Variants in KCNH7 observed in about 807,000 individuals in gnomAD.
KCNH7 encodes voltage-gated inwardly rectifying potassium channel KCNH7.
In KCNH7, 49 loss-of-function variants were observed where a neutral mutation model predicts 120.8. The observed-to-expected ratio is 0.41, with a 90% CI of 0.32 to 0.51. The LOEUF (loss-of-function observed/expected upper bound fraction) is 0.51, where lower values mean the gene tolerates loss of function less well. KCNH7 is among the 20% of genes least tolerant of loss of function. The pLI is 0.38. For synonymous variants in KCNH7, 547 were observed against 516.1 expected, an observed-to-expected ratio of 1.06 and a Z score of -0.81; for missense variants, 1,097 against 1,446.6, an observed-to-expected ratio of 0.76 and a Z score of 3.92.
chr2:162,538,139 G>A (rs772493477), intron 2 of KCNH7: 5 of 152,118 alleles, frequency 3.3e-5, no homozygotes, highest in African/African-American at 1.2e-4. Context: ...CCCGTGGCCT[G>A]TGGGCTACAT....
chr2:162,528,838 A>C (rs1691808719), intron 3 of KCNH7, among the ~76,000 whole-genome samples: 1 of 152,042 alleles, frequency 6.6e-6, no homozygotes, highest in African/African-American at 2.4e-5. Flanking sequence ...GAATAGGACA[A>C]TTATAGTGGG....
At chr2:162,470,386 CT>C (rs1689471434) in intron 6 of KCNH7, among the ~76,000 whole-genome samples, 1 of 151,860 alleles carries the variant, frequency 6.6e-6, no homozygotes, top group African/African-American at 2.4e-5. Flanking sequence ...AGGAGCGTCT[CT>C]GCCCGGCCGC....
intron 2 of KCNH7, among the ~76,000 whole-genome samples, chr2:162,825,950 G>T (rs67553435): frequency 0.5 from 75,537 of 150,436 alleles, 20,638 homozygotes; most frequent in South Asian, 0.73. Flanking sequence ...TAAGATTATG[G>T]TTTTTTTTCT....
intron 2 of KCNH7, among the ~76,000 whole-genome samples, chr2:162,580,888 C>A (rs1327603795): frequency 2.0e-5 from 3 of 151,898 alleles, no homozygotes; most frequent in African/African-American, 4.8e-5. Flanking sequence ...TAGAAATAGT[C>A]CCCAGATGTC....
intron 2 of KCNH7, among the ~76,000 whole-genome samples, chr2:162,764,879 G>A (rs1682722675): frequency 6.6e-6 from 1 of 152,102 alleles, no homozygotes; most frequent in Admixed American, 6.5e-5. Flanking sequence ...TAGGCAAAGA[G>A]AGCTCAGCCA....
At chr2:162,775,140 T>C (rs1683187342) in intron 2 of KCNH7, among the ~76,000 whole-genome samples, 1 of 152,168 alleles carries the variant, frequency 6.6e-6, no homozygotes, top group East Asian at 1.9e-4. Context: ...ACTACTCTCC[T>C]ACTGCATGCC....
chr2:162,793,225 T>C (rs1039715308), intron 2 of KCNH7, among the ~76,000 whole-genome samples: 2 of 151,922 alleles, frequency 1.3e-5, no homozygotes, highest in Admixed American at 6.6e-5. Context: ...ATGTTCTCAC[T>C]TAGAAGTGGG....
At chr2:162,801,749 T>C (rs1156522341) in intron 2 of KCNH7, among the ~76,000 whole-genome samples, 1 of 151,686 alleles carries the variant, frequency 6.6e-6, no homozygotes, top group Non-Finnish European at 1.5e-5. Flanking sequence ...AAGAACTCAA[T>C]TAATAATAAT....
At chr2:162,630,113 C>G (rs372840969) in intron 2 of KCNH7, among the ~76,000 whole-genome samples, 1 of 151,986 alleles carries the variant, frequency 6.6e-6, no homozygotes, top group East Asian at 1.9e-4. Flanking sequence ...AACTACAAGA[C>G]TTAGGGCCTG....
At chr2:162,472,877 G>A (rs1689601361) in intron 6 of KCNH7, among the ~76,000 whole-genome samples, 1 of 151,918 alleles carries the variant, frequency 6.6e-6, no homozygotes, top group Non-Finnish European at 1.5e-5. Flanking sequence ...AAGAAAATGT[G>A]GCATATAAAC....
At chr2:162,643,354 A>C (rs1465550085) in intron 2 of KCNH7, among the ~76,000 whole-genome samples, 1 of 152,114 alleles carries the variant, frequency 6.6e-6, no homozygotes, top group Admixed American at 6.6e-5. Flanking sequence ...AAACAAAAAA[A>C]CCCAAAAAAC....
chr2:162,762,782 TGAG>T (rs1689011892), intron 2 of KCNH7, among the ~76,000 whole-genome samples: 1 of 152,068 alleles, frequency 6.6e-6, no homozygotes. Context: ...AAAATTGTCA[TGAG>T]ACATAAAGTT....
At chr2:162,525,108 C>G (rs1440471965) in intron 3 of KCNH7, among the ~76,000 whole-genome samples, 1 of 151,850 alleles carries the variant, frequency 6.6e-6, no homozygotes, top group Non-Finnish European at 1.5e-5. Context: ...TTTAAAGGAG[C>G]AGATCCGATC....
chr2:162,460,093 C>CAAAA (rs575038181), intron 6 of KCNH7, among the ~76,000 whole-genome samples: 1 of 47,914 alleles, frequency 2.1e-5, no homozygotes. Flanking sequence ...GACTCCATCT[C>CAAAA]AAAAAAAAAA....
chr2:162,437,809 C>T (rs994570309), intron 7 of KCNH7, among the ~76,000 whole-genome samples: 1 of 152,040 alleles, frequency 6.6e-6, no homozygotes, highest in African/African-American at 2.4e-5. Context: ...CCTTTTTAAA[C>T]GCAATACTTA....
At chr2:162,626,098 T>C (rs1683544653) in intron 2 of KCNH7, among the ~76,000 whole-genome samples, 1 of 152,176 alleles carries the variant, frequency 6.6e-6, no homozygotes, top group Non-Finnish European at 1.5e-5. Context: ...TATATTAATA[T>C]GTAATTGTTT....
chr2:162,605,455 T>A (rs1473895223), intron 2 of KCNH7, among the ~76,000 whole-genome samples: 1 of 152,106 alleles, frequency 6.6e-6, no homozygotes, highest in African/African-American at 2.4e-5. Flanking sequence ...TAAATCTGAT[T>A]AGGATTCTTG....
At chr2:162,553,775 G>T (rs778623766) in intron 2 of KCNH7, among the ~76,000 whole-genome samples, 9 of 152,186 alleles carry the variant, frequency 5.9e-5, no homozygotes, top group Non-Finnish European at 8.8e-5. Context: ...TAATGTGAAT[G>T]GTTATCCTTC....
At chr2:162,537,663 T>G (rs940859560) in intron 2 of KCNH7, among the ~76,000 whole-genome samples, 1 of 152,108 alleles carries the variant, frequency 6.6e-6, no homozygotes, top group Non-Finnish European at 1.5e-5. Flanking sequence ...TGTTAGAAAA[T>G]AAGAACAAAG....
Sources: allele counts gnomAD v4.1 joint callset (sites outside exome capture counted in the v4.1 genomes callset), GRCh38; gene constraint gnomAD v4.1.1; transcripts MANE v1.5; gene names NCBI Gene and HGNC (gene_info 2026-07-23, HGNC 2026-07-21).